The following NF1 variants were observed in gnomAD, a reference collection of about 807,000 sequenced individuals.
NF1 encodes the protein neurofibromin.
In NF1, 122 loss-of-function variants were observed where a neutral mutation model predicts 325.7. That is an observed-to-expected ratio of 0.37 (90% CI 0.32 to 0.44). NF1 has a LOEUF of 0.44. Among genes scored for constraint, NF1 ranks in the 20% least tolerant of loss-of-function variants. NF1 has a pLI of 1.00. For missense variants in NF1, 2,140 were observed against 3,415.4 expected (o/e 0.63, Z 9.31); for synonymous variants, 1,091 against 1,186.0 (o/e 0.92, Z 1.65).
chr17:31,168,643 G>A (rs529386770), intron 4 of NF1, among the ~76,000 whole-genome samples: 1 of 152,086 alleles, frequency 6.6e-6, no homozygotes, highest in Non-Finnish European at 1.5e-5. Context: ...ATTTGGCTGG[G>A]GGGGGACAAG....
chr17:31,242,305 CTTTTT>C (rs200376987), intron 29 of NF1, among the ~76,000 whole-genome samples: 1,137 of 68,676 alleles, frequency 0.017, 3 homozygotes, highest in African/African-American at 0.068. Flanking sequence ...CATAAGTTCT[CTTTTT>C]TTTTTTTTTT....
chr17:31,162,816 A>G (rs1256783219), intron 3 of NF1, among the ~76,000 whole-genome samples: 1 of 152,222 alleles, frequency 6.6e-6, no homozygotes, highest in Admixed American at 6.5e-5. Context: ...AGATGACACA[A>G]TGCACTCATC....
intron 4 of NF1, among the ~76,000 whole-genome samples, chr17:31,169,016 G>A (rs1425180404): frequency 3.9e-5 from 6 of 152,152 alleles, no homozygotes; most frequent in African/African-American, 7.2e-5. Context: ...TTATCAGAAT[G>A]AGTTGGTACC....
In NF1 at chr17:31,337,901, A is replaced by C. The variant is rs758974773; in HGVS notation, c.6704+21A>C. On this transcript the variant is annotated intron_variant, in intron 44 of 57. Transcript: ENST00000358273. ...CAAAGGTATGTCCTAAATTAAATATAAGTTGTAAAAATATGCATATTGTTG... is the reference window on the plus strand; with the variant it reads ...CAAAGGTATGTCCTAAATTAAATATCAGTTGTAAAAATATGCATATTGTTG... The C allele has an allele frequency of 2.7e-5, 44 of 1,608,474 alleles. No individual in the cohort carries two copies. The South Asian group carries it at 4.7e-4, about 17-fold the overall frequency.
chr17:31,124,858 C>T (rs1030546357), intron 1 of NF1, among the ~76,000 whole-genome samples: 1 of 151,720 alleles, frequency 6.6e-6, no homozygotes, highest in African/African-American at 2.4e-5. Context: ...GCCTTGGCCT[C>T]CCAAAGTGCT....
At chr17:31,227,427 G>C (rs965793947) in intron 19 of NF1, 96 bp from the exon 20 acceptor site, 3 of 1,425,172 alleles carry the variant, frequency 2.1e-6, no homozygotes, top group Non-Finnish European at 2.0e-6. Context: ...TAATATCTGA[G>C]TATTTAATAT....
intron 40 of NF1, among the ~76,000 whole-genome samples, chr17:31,335,274 T>TTATATACATACATATATA: frequency 1.5e-4 from 1 of 6,700 alleles, no homozygotes; most frequent in South Asian, 5.7e-3. Flanking sequence ...CAAGGCATAA[T>TTATATACATACATATATA]TATATATATA....
chr17:31,182,937 T>C, intron 8 of NF1: 1 of 593,022 alleles, frequency 1.7e-6, no homozygotes, highest in Non-Finnish European at 3.0e-6. Context: ...ACGATACCTC[T>C]GTTATTATTA....
Position 31,100,923 on chromosome 17 carries a change from C to T in NF1, c.60+5554C>T, listed in dbSNP as rs1912267710. On this transcript the variant is annotated intron_variant, in intron 1 of 57. Coordinates refer to ENST00000358273, the MANE Select transcript of NF1 (RefSeq NM_001042492.3). ...AGCTGTTCCTCAGTTCTCTGCACTC[C>T]CTTACACTTTCCACCTTATCTGTCT... is the stretch of plus-strand genomic sequence containing the variant. 2.0e-5 allele frequency among the ~76,000 whole-genome samples: 3 copies of T among 152,156 alleles called. No homozygotes were observed. The South Asian group carries it at 6.2e-4, about 32-fold the overall frequency.
chr17:31,143,896 AC>A (rs1157266902), intron 1 of NF1, among the ~76,000 whole-genome samples: 8 of 151,940 alleles, frequency 5.3e-5, no homozygotes, highest in African/African-American at 1.9e-4. Flanking sequence ...GTCTCGGCTC[AC>A]TGCAAGCTCT....
At chr17:31,259,527 G>A (rs1226076598) in intron 33 of NF1, among the ~76,000 whole-genome samples, 1 of 152,018 alleles carries the variant, frequency 6.6e-6, no homozygotes, top group Non-Finnish European at 1.5e-5. Context: ...ACTTAAATTT[G>A]GAAGTGTATC....
chr17:31,330,169 T>C (rs2069444581), intron 38 of NF1, 127 bp from the exon 39 acceptor site: 2 of 808,080 alleles, frequency 2.5e-6, no homozygotes, highest in African/African-American at 1.7e-5. Context: ...TATTTCTAAC[T>C]GATCATAAAA....
intron 34 of NF1, 25 bp downstream of exon 34, chr17:31,260,540 A>G: frequency 6.2e-7 from 1 of 1,612,832 alleles, no homozygotes; most frequent in Non-Finnish European, 8.5e-7. Context: ...TCATGGGGAT[A>G]GTGAACACTC....
chr17:31,218,503 C>T (rs903012528), intron 13 of NF1, among the ~76,000 whole-genome samples: 9 of 152,122 alleles, frequency 5.9e-5, no homozygotes, highest in African/African-American at 1.9e-4. Context: ...AGTATATTTA[C>T]AAGGTTCTGC....
intron 1 of NF1, among the ~76,000 whole-genome samples, chr17:31,146,417 A>ATCCC (rs1295214610): frequency 7.8e-6 from 1 of 128,456 alleles, no homozygotes; most frequent in Non-Finnish European, 1.6e-5. Context: ...CTGTCCATCC[A>ATCCC]TCCATCCATC....
chr17:31,113,721 A>G (rs1220797125), intron 1 of NF1, among the ~76,000 whole-genome samples: 4 of 151,204 alleles, frequency 2.6e-5, no homozygotes, highest in African/African-American at 9.7e-5. Flanking sequence ...GGGTTTCACC[A>G]TGTTGGCCAG....
chr17:31,362,223 T>C, intron 57 of NF1: 1 of 772,032 alleles, frequency 1.3e-6, no homozygotes, highest in Non-Finnish European at 1.6e-6. Flanking sequence ...GCTTCTGGTC[T>C]TGCCCATTAT....
At chr17:31,265,459 G>A in intron 36 of NF1, 120 bp downstream of exon 36, 3 of 733,028 alleles carry the variant, frequency 4.1e-6, no homozygotes, top group Non-Finnish European at 7.3e-6. Flanking sequence ...AAGTTTACTT[G>A]GGAGCATATA....
chr17:31,318,084 T>C, intron 36 of NF1: 1 of 506,382 alleles, frequency 2.0e-6, no homozygotes, highest in South Asian at 3.9e-5. Context: ...GCTTAGTTAT[T>C]TTATTATTTG....
Sources: allele counts gnomAD v4.1 joint callset (sites outside exome capture counted in the v4.1 genomes callset), GRCh38; gene constraint gnomAD v4.1.1; transcripts MANE v1.5; gene names NCBI Gene and HGNC (gene_info 2026-07-23, HGNC 2026-07-21).